CBFA2T3: variants seen among roughly 807,000 people sequenced by gnomAD.
CBFA2T3 encodes the protein CBFA2/RUNX1 partner transcriptional co-repressor 3.
A neutral mutation model predicts 58.6 loss-of-function variants in CBFA2T3; 31 were observed. That is an observed-to-expected ratio of 0.53 (90% CI 0.40 to 0.71). The LOEUF (loss-of-function observed/expected upper bound fraction) is 0.71, where lower values mean the gene tolerates loss of function less well. CBFA2T3 is among the 30% of genes least tolerant of loss of function. The pLI is 0.00. For synonymous variants in CBFA2T3, 531 were observed against 421.9 expected (o/e 1.26, Z -3.17); for missense variants, 1,076 against 963.1 (o/e 1.12, Z -1.55).
intron 1 of CBFA2T3, among the ~76,000 whole-genome samples, chr16:88,904,175 G>A (rs373189504): frequency 9.2e-5 from 14 of 152,178 alleles, no homozygotes; most frequent in East Asian, 1.9e-4. Context: ...GTGCCCTGCC[G>A]GCGCCCTGAG....
At chr16:88,936,826 G>C (rs1597755822) in intron 1 of CBFA2T3, 1 of 152,414 alleles carries the variant, frequency 6.6e-6, no homozygotes, top group South Asian at 2.1e-4. Flanking sequence ...CACAGCACAG[G>C]CGGAAAGCCG....
chr16:88,940,764 C>T (rs1036422584), intron 1 of CBFA2T3, among the ~76,000 whole-genome samples: 8 of 152,244 alleles, frequency 5.3e-5, no homozygotes, highest in Middle Eastern at 3.4e-3. Context: ...GGGGAGCCCG[C>T]GAGACTCCCA....
rs1439060563 is a variant in CBFA2T3, at chr16:88,905,730, AG to A, written c.152-4075del. 5.5e-4 allele frequency among the ~76,000 whole-genome samples: 7 copies of A among 12,632 alleles called. No homozygotes were observed. The South Asian group carries it at 0.016, about 28-fold the overall frequency. 8.3% of individuals were successfully genotyped at this position (12,632 alleles called of 152,430 possible). On this transcript the variant is annotated intron_variant, in intron 1 of 11. Transcript: ENST00000268679. ...GGGGCTGGAGGGGCGGGGCTGAAGG[AG>A]GGGCGGGACTGGAGGGGCGGGGCTG... is the stretch of plus-strand genomic sequence containing the variant.
chr16:88,888,434 CTG>C (rs148280133), intron 5 of CBFA2T3, among the ~76,000 whole-genome samples: 1 of 70,366 alleles, frequency 1.4e-5, no homozygotes, highest in Middle Eastern at 5.8e-3. Flanking sequence ...CCACTGCACT[CTG>C]TGTCTGAAGG....
At chr16:88,882,791 C>A (rs747587912) in intron 7 of CBFA2T3, 30 bp from the exon 8 acceptor site, 3 of 1,418,580 alleles carry the variant, frequency 2.1e-6, no homozygotes, top group South Asian at 2.4e-5. Flanking sequence ...ACGCTTAGGT[C>A]CCACCCACAG....
intron 11 of CBFA2T3, among the ~76,000 whole-genome samples, chr16:88,878,741 T>C (rs148835934): frequency 0.013 from 1,960 of 152,016 alleles, 18 homozygotes; most frequent in East Asian, 0.022. Flanking sequence ...AGGTCAGGAG[T>C]TCGAGACCAG....
chr16:88,880,392 C>T (rs1969018550), intron 10 of CBFA2T3, among the ~76,000 whole-genome samples: 1 of 152,234 alleles, frequency 6.6e-6, no homozygotes, highest in Non-Finnish European at 1.5e-5. Flanking sequence ...CCCCATTCTG[C>T]CCGGACTCTG....
intron 1 of CBFA2T3, among the ~76,000 whole-genome samples, chr16:88,916,365 C>A (rs546700374): frequency 6.6e-5 from 10 of 151,832 alleles, no homozygotes; most frequent in Non-Finnish European, 1.2e-4. Context: ...CGTGTATATG[C>A]ACTTACACAT....
chr16:88,879,523 C>G (rs576182074), intron 10 of CBFA2T3, 63 bp from the exon 11 acceptor site: 6 of 1,491,020 alleles, frequency 4.0e-6, no homozygotes, highest in Middle Eastern at 3.5e-4. Flanking sequence ...CTCTGGACTT[C>G]CTACGCGTGG....
At chr16:88,893,554 G>A (rs919588899) in intron 3 of CBFA2T3, among the ~76,000 whole-genome samples, 2 of 152,354 alleles carry the variant, frequency 1.3e-5, no homozygotes, top group Admixed American at 6.5e-5. Flanking sequence ...CACACTGGGT[G>A]GGTTCCTGCC....
At chr16:88,909,825 G>A (rs903263593) in intron 1 of CBFA2T3, among the ~76,000 whole-genome samples, 3 of 152,250 alleles carry the variant, frequency 2.0e-5, no homozygotes, top group African/African-American at 7.2e-5. Flanking sequence ...GTGAGGGGCT[G>A]AGCCAGGAAT....
chr16:88,969,354 G>T (rs373588417), intron 1 of CBFA2T3, among the ~76,000 whole-genome samples: 12 of 152,340 alleles, frequency 7.9e-5, no homozygotes, highest in African/African-American at 2.9e-4. Flanking sequence ...TCTCTACTGG[G>T]CTCCCTCCCG....
intron 1 of CBFA2T3, among the ~76,000 whole-genome samples, chr16:88,919,260 GAAACCGGACACAGCAGTAGGTATAAAA>G (rs1014191425): frequency 2.6e-5 from 4 of 152,132 alleles, no homozygotes; most frequent in East Asian, 1.9e-4. Flanking sequence ...CCAGCCAATG[GAAACCGGACACAGCAGTAGGTATAAAA>G]AAACCGGACA....
At chr16:88,908,983 C>A (rs1567600313) in intron 1 of CBFA2T3, among the ~76,000 whole-genome samples, 1 of 152,164 alleles carries the variant, frequency 6.6e-6, no homozygotes, top group South Asian at 2.1e-4. Flanking sequence ...GGATCCGATC[C>A]TCTCCGTGGG....
chr16:88,917,707 G>A (rs943258801), intron 1 of CBFA2T3, among the ~76,000 whole-genome samples: 2 of 152,208 alleles, frequency 1.3e-5, no homozygotes, highest in Admixed American at 6.5e-5. Context: ...CCTGCGTCAA[G>A]TCAAGAATGT....
At chr16:88,933,239 A>C (rs1005832484) in intron 1 of CBFA2T3, among the ~76,000 whole-genome samples, 1 of 152,216 alleles carries the variant, frequency 6.6e-6, no homozygotes, top group African/African-American at 2.4e-5. Context: ...CCCCCAGTGC[A>C]GGGTCCCAGA....
At position 88,894,787 on chromosome 16, in the gene CBFA2T3, C is replaced by T. The variant is rs527269920; in HGVS notation, c.380-2302G>A. 1.0e-3 allele frequency among the ~76,000 whole-genome samples: 159 copies of T among 152,392 alleles called. 1 individual carries two copies. The highest frequency in any genetic ancestry group is 2.0e-3 in the Non-Finnish European group (137 of 68,036). On this transcript the variant is annotated intron_variant, in intron 3 of 11. Coordinates refer to ENST00000268679, the MANE Select transcript of CBFA2T3 (RefSeq NM_005187.6). ...TCAGGGCCGAATTCCTCCGAGGCCC[C>T]AGCCGTGTGTTCGCACCTGTGGCTG...
chr16:88,949,185 T>A (rs942995027), intron 1 of CBFA2T3, among the ~76,000 whole-genome samples: 1 of 152,124 alleles, frequency 6.6e-6, no homozygotes, highest in South Asian at 2.1e-4. Flanking sequence ...TCTGAAAAAA[T>A]TTTAAGAAGC....
At chr16:88,976,626 C>G (rs776301311) in intron 1 of CBFA2T3, 31 bp downstream of exon 1, 1 of 1,507,182 alleles carries the variant, frequency 6.6e-7, no homozygotes, top group South Asian at 1.2e-5. Flanking sequence ...TCTCTGCCCC[C>G]ACCCCACCAC....
Sources: allele counts gnomAD v4.1 joint callset (sites outside exome capture counted in the v4.1 genomes callset), GRCh38; gene constraint gnomAD v4.1.1; transcripts MANE v1.5; gene names NCBI Gene and HGNC (gene_info 2026-07-23, HGNC 2026-07-21).